BRD4: variants seen among roughly 807,000 people sequenced by gnomAD.
BRD4 encodes the protein bromodomain containing 4, also known as bromodomain-containing protein 4.
In BRD4, 16 loss-of-function variants were observed where a neutral mutation model predicts 142.1. The ratio of observed to expected loss-of-function variants is 0.11; its 90% CI spans 0.08 to 0.17. The LOEUF (loss-of-function observed/expected upper bound fraction) is 0.17, where lower values mean the gene tolerates loss of function less well. Among genes scored for constraint, BRD4 ranks in the 10% least tolerant of loss-of-function variants. BRD4 has a pLI of 1.00. For synonymous variants in BRD4, 833 were observed against 707.5 expected, an observed-to-expected ratio of 1.18 and a Z score of -2.82; for missense variants, 1,424 against 1,810.9, an observed-to-expected ratio of 0.79 and a Z score of 3.88.
chr19:15,309,911 G>C (rs1010857669), intron 1 of BRD4, among the ~76,000 whole-genome samples: 1 of 152,178 alleles, frequency 6.6e-6, no homozygotes, highest in African/African-American at 2.4e-5. Flanking sequence ...TGAGTGCGGA[G>C]AGAGGCAGAG....
chr19:15,267,660 ATTC>A, intron 3 of BRD4, 109 bp from the exon 4 acceptor site: 1 of 1,316,818 alleles, frequency 7.6e-7, no homozygotes, highest in Admixed American at 2.2e-5. Context: ...GAAGCGTCGT[ATTC>A]CGGGTCCTTC....
At chr19:15,277,576 A>AT (rs2047660817) in intron 1 of BRD4, among the ~76,000 whole-genome samples, 1 of 143,576 alleles carries the variant, frequency 7.0e-6, no homozygotes, top group Non-Finnish European at 1.5e-5. Context: ...TAAGTCTGGA[A>AT]TTTGAGACCA....
intron 1 of BRD4, among the ~76,000 whole-genome samples, chr19:15,293,449 C>A (rs987593633): frequency 1.3e-5 from 2 of 152,072 alleles, no homozygotes; most frequent in Non-Finnish European, 2.9e-5. Flanking sequence ...GCTGGCAACT[C>A]GATAGCAGGA....
intron 9 of BRD4, 152 bp downstream of exon 9, chr19:15,255,912 G>C: frequency 2.1e-6 from 2 of 975,110 alleles, no homozygotes; most frequent in Non-Finnish European, 1.5e-6. Context: ...AGTCCTGTGT[G>C]CAAGTGGCCA....
rs559284459 is a variant in BRD4 at position 15,269,502 on chromosome 19, C to T, written c.286-460G>A. Among the ~76,000 whole-genome samples, 5 of 152,272 alleles carry T rather than the reference C, an allele frequency of 3.3e-5. No homozygotes were observed. The South Asian group carries it at 1.0e-3, about 32-fold the overall frequency. ...TTCCCCTGGCGCCAATGCTGGAGTC[C>T]ACTTGTAACCCTTGACCCTGGCACT... On this transcript the variant is annotated intron_variant, in intron 2 of 19. Coordinates refer to ENST00000679869, the MANE Select transcript of BRD4 (RefSeq NM_001379291.1).
At chr19:15,290,006 T>C (rs182116092) in intron 1 of BRD4, among the ~76,000 whole-genome samples, 1 of 152,326 alleles carries the variant, frequency 6.6e-6, no homozygotes, top group African/African-American at 2.4e-5. Context: ...TTGGAGAGGT[T>C]TGGTTTCAAG....
At chr19:15,256,390 G>C (rs2047409183) in intron 8 of BRD4, 127 bp from the exon 9 acceptor site, 1 of 1,199,332 alleles carries the variant, frequency 8.3e-7, no homozygotes, top group African/African-American at 1.5e-5. Flanking sequence ...TGGGCATAGG[G>C]GAGGCAGGGG....
At chr19:15,249,427 G>T in intron 11 of BRD4, 2 of 1,486,010 alleles carry the variant, frequency 1.3e-6, no homozygotes, top group African/African-American at 2.8e-5. Context: ...CGGCACTGGA[G>T]ACTGGAGCCC....
At chr19:15,253,216 A>G (rs1395873143) in intron 11 of BRD4, 2 of 384,654 alleles carry the variant, frequency 5.2e-6, no homozygotes, top group African/African-American at 2.0e-5. Flanking sequence ...CCGTAAACAC[A>G]GGATGTTAGC....
At chr19:15,294,406 C>T (rs1265427826) in intron 1 of BRD4, among the ~76,000 whole-genome samples, 1 of 152,244 alleles carries the variant, frequency 6.6e-6, no homozygotes, top group Non-Finnish European at 1.5e-5. Context: ...CCATTTGCTT[C>T]CTCTCCACTC....
intron 1 of BRD4, among the ~76,000 whole-genome samples, chr19:15,302,841 TA>T (rs2047882155): frequency 6.6e-6 from 1 of 150,728 alleles, no homozygotes. Flanking sequence ...CCGTCTCTAC[TA>T]AAAAATACAA....
chr19:15,298,555 C>T (rs1458802762), intron 1 of BRD4, among the ~76,000 whole-genome samples: 5 of 128,598 alleles, frequency 3.9e-5, no homozygotes, highest in East Asian at 2.5e-4. Context: ...CGGGGGGCAG[C>T]GGTTGCAGTG....
chr19:15,246,799 G>T (rs747201404), intron 11 of BRD4, among the ~76,000 whole-genome samples: 6 of 152,140 alleles, frequency 3.9e-5, no homozygotes, highest in Non-Finnish European at 5.9e-5. Flanking sequence ...AGGGCCCCTT[G>T]CAAGTGCTGG....
intron 7 of BRD4, among the ~76,000 whole-genome samples, chr19:15,260,782 C>A (rs1418352615): frequency 1.5e-5 from 2 of 132,912 alleles, no homozygotes; most frequent in Non-Finnish European, 3.1e-5. Flanking sequence ...ACTCCCCTCT[C>A]AGAAGGAGAA....
At chr19:15,245,601 C>T (rs2047279009) in intron 11 of BRD4, among the ~76,000 whole-genome samples, 1 of 151,978 alleles carries the variant, frequency 6.6e-6, no homozygotes, top group Admixed American at 6.6e-5. Flanking sequence ...CCAGCGTGCC[C>T]ACCTCTGTCC....
chr19:15,332,252 C>A, intron 1 of BRD4, 38 bp downstream of exon 1: 1 of 147,668 alleles, frequency 6.8e-6, no homozygotes, highest in South Asian at 1.8e-4. Flanking sequence ...GCCAGCCGCC[C>A]AGTGTCGTCC....
In BRD4 at chr19:15,254,255, T is replaced by C; in HGVS notation, c.2055A>G (p.Lys685=). The C allele has an allele frequency of 1.2e-6, 2 of 1,614,074 alleles. No homozygotes were observed. Among genetic ancestry groups the C allele is most frequent in the Non-Finnish European group, 1.7e-6 (2 of 1,179,986 alleles). The change falls in exon 11 of 20, where the codon AAA becomes AAG. Residue 685 remains lysine, a synonymous_variant. Coordinates refer to ENST00000679869, the MANE Select transcript of BRD4 (RefSeq NM_001379291.1). The part of the protein sequence containing the change: ...LRKKRKPQAE[K]VDVIAGSSKM... The stretch of plus-strand genomic sequence containing the variant: ...TGGAGGAGCCGGCAATCACATCAAC[T>C]TTCTCAGCTGCAATCCAAGCAATGG...
At chr19:15,310,357 TTCCCCC>T (rs1568407750) in intron 1 of BRD4, among the ~76,000 whole-genome samples, 3 of 51,304 alleles carry the variant, frequency 5.8e-5, no homozygotes, top group African/African-American at 2.0e-4. Flanking sequence ...GATTTTTGGA[TTCCCCC>T]CCCCCCCCCC....
At chr19:15,246,073 C>T (rs982254923) in intron 11 of BRD4, among the ~76,000 whole-genome samples, 13 of 152,212 alleles carry the variant, frequency 8.5e-5, no homozygotes, top group African/African-American at 1.7e-4. Flanking sequence ...TACAGACACA[C>T]GTCCTCGTAC....
Sources: allele counts gnomAD v4.1 joint callset (sites outside exome capture counted in the v4.1 genomes callset), GRCh38; gene constraint gnomAD v4.1.1; transcripts MANE v1.5; gene names NCBI Gene and HGNC (gene_info 2026-07-23, HGNC 2026-07-21).